Variants in NRXN1 observed in about 807,000 individuals in gnomAD.
NRXN1 encodes the protein neurexin 1, also known as neurexin-1.
NRXN1 carries 39 observed loss-of-function variants against 150.9 expected under a neutral mutation model. The ratio of observed to expected loss-of-function variants is 0.26; its 90% CI spans 0.20 to 0.34. NRXN1 has a LOEUF of 0.34. Among genes scored for constraint, NRXN1 ranks in the 10% least tolerant of loss-of-function variants. NRXN1 has a pLI of 1.00. For missense variants in NRXN1, 1,815 were observed against 1,949.9 expected (o/e 0.93, Z 1.30); for synonymous variants, 924 against 757.0 (o/e 1.22, Z -3.62).
rs183195298 is a variant in NRXN1, at chr2:50,099,324, T to G, written c.3547-7830A>C. Among the ~76,000 whole-genome samples the G allele has an allele frequency of 2.7e-3, 411 of 151,526 alleles. 2 individuals are homozygous for G. Among genetic ancestry groups the G allele is most frequent in the Non-Finnish European group, 2.9e-3 (198 of 67,916 alleles). ...CACCACACTTCCCAGAATACCTTTC[T>G]TTACTTTTGCAAATTTCCAATATTC... On this transcript the variant is annotated intron_variant, in intron 18 of 22. Transcript: ENST00000401669.
chr2:50,404,082 C>A (rs945942099), intron 17 of NRXN1, among the ~76,000 whole-genome samples: 1 of 152,018 alleles, frequency 6.6e-6, no homozygotes, highest in African/African-American at 2.4e-5. Context: ...TACTCCCTAC[C>A]CCCTACCACT....
chr2:50,898,660 C>A, intron 5 of NRXN1: 3 of 414,514 alleles, frequency 7.2e-6, no homozygotes, highest in Non-Finnish European at 4.7e-6. Flanking sequence ...TCCCACATTT[C>A]AAAAATTTAA....
At chr2:50,669,435 T>C (rs1303770107) in intron 5 of NRXN1, among the ~76,000 whole-genome samples, 2 of 152,020 alleles carry the variant, frequency 1.3e-5, no homozygotes, top group Non-Finnish European at 2.9e-5. Context: ...TATCTTTTTG[T>C]ATAACATTTT....
intron 2 of NRXN1, among the ~76,000 whole-genome samples, chr2:51,000,275 T>G (rs1185068542): frequency 6.6e-6 from 1 of 152,052 alleles, no homozygotes; most frequent in African/African-American, 2.4e-5. Flanking sequence ...ATCCATTCTC[T>G]ATGTCCTTAT....
chr2:50,425,103 A>C (rs116941796), intron 17 of NRXN1, among the ~76,000 whole-genome samples: 1 of 152,208 alleles, frequency 6.6e-6, no homozygotes, highest in African/African-American at 2.4e-5. Flanking sequence ...CCAGAAAAAT[A>C]AAAAATACCA....
chr2:50,735,256 A>G (rs751883721), intron 5 of NRXN1, among the ~76,000 whole-genome samples: 7 of 152,078 alleles, frequency 4.6e-5, no homozygotes, highest in Non-Finnish European at 7.4e-5. Flanking sequence ...CAATATTTAC[A>G]TATTTTATAT....
chr2:50,797,433 G>A (rs1706989359), intron 5 of NRXN1, among the ~76,000 whole-genome samples: 1 of 152,066 alleles, frequency 6.6e-6, no homozygotes, highest in Non-Finnish European at 1.5e-5. Context: ...CATCTAGTGA[G>A]TACAGGCCAA....
intron 5 of NRXN1, among the ~76,000 whole-genome samples, chr2:50,768,915 A>AC (rs1702670368): frequency 6.7e-6 from 1 of 149,126 alleles, no homozygotes; most frequent in African/African-American, 2.5e-5. Context: ...CAACAACAAC[A>AC]ACACACACAC....
chr2:50,656,856 T>C (rs1023973226), intron 5 of NRXN1, among the ~76,000 whole-genome samples: 1 of 152,028 alleles, frequency 6.6e-6, no homozygotes, highest in Non-Finnish European at 1.5e-5. Context: ...AATTCACTGG[T>C]TATAAAAGGA....
chr2:50,348,693 G>A (rs931386196), intron 17 of NRXN1, among the ~76,000 whole-genome samples: 2 of 152,190 alleles, frequency 1.3e-5, no homozygotes, highest in Admixed American at 6.5e-5. Flanking sequence ...ATAAATTTAA[G>A]AGTAGAAATC....
chr2:50,398,356 T>C (rs964115419), intron 17 of NRXN1, among the ~76,000 whole-genome samples: 3 of 152,120 alleles, frequency 2.0e-5, no homozygotes, highest in Non-Finnish European at 4.4e-5. Flanking sequence ...GTACACCTGG[T>C]AAAGTCGAGT....
chr2:50,486,984 C>T (rs764711179), intron 15 of NRXN1, among the ~76,000 whole-genome samples: 4 of 152,120 alleles, frequency 2.6e-5, no homozygotes, highest in Admixed American at 6.5e-5. Context: ...ATACGACGAA[C>T]CCTTAGAAAT....
intron 17 of NRXN1, among the ~76,000 whole-genome samples, chr2:50,394,433 C>T (rs938035905): frequency 6.6e-6 from 1 of 152,130 alleles, no homozygotes; most frequent in African/African-American, 2.4e-5. Flanking sequence ...ACTATTCTCA[C>T]AATTAAGTGG....
rs1688781291 is a variant in NRXN1 at position 50,671,138 on chromosome 2, A to C, written c.833-47523T>G. Among the ~76,000 whole-genome samples, 3 of 151,860 alleles carry C rather than the reference A, an allele frequency of 2.0e-5. No homozygotes were observed. In the South Asian group the frequency reaches 6.2e-4, roughly 31 times the overall value. ...ATAAATCTTTAAAAACATGACTTCT[A>C]CAAAGCTTGTATCTATTTATTTTCT... On this transcript the variant is annotated intron_variant, in intron 5 of 22. Coordinates refer to ENST00000401669, the MANE Select transcript of NRXN1 (RefSeq NM_001330078.2).
intron 19 of NRXN1, among the ~76,000 whole-genome samples, chr2:50,067,417 C>A (rs1411272885): frequency 2.0e-5 from 3 of 152,106 alleles, no homozygotes; most frequent in Admixed American, 6.5e-5. Context: ...AATTTTGGAT[C>A]TCATTGCCTG....
At chr2:50,889,569 T>C (rs1017783100) in intron 5 of NRXN1, among the ~76,000 whole-genome samples, 8 of 151,786 alleles carry the variant, frequency 5.3e-5, no homozygotes, top group Non-Finnish European at 7.4e-5. Flanking sequence ...TGGTATAACG[T>C]GTACATTATT....
intron 21 of NRXN1, chr2:50,022,963 T>C (rs1435146958): frequency 1.3e-5 from 2 of 152,176 alleles, no homozygotes; most frequent in Non-Finnish European, 2.9e-5. Flanking sequence ...ATATTCCCAA[T>C]TGTTGCTGAA....
intron 16 of NRXN1, among the ~76,000 whole-genome samples, chr2:50,470,322 T>A (rs925332697): frequency 6.6e-6 from 1 of 151,574 alleles, no homozygotes; most frequent in Non-Finnish European, 1.5e-5. Flanking sequence ...TAAAATTAAC[T>A]GAAAGGGAAA....
At chr2:50,466,715 A>T (rs2088909281) in intron 16 of NRXN1, among the ~76,000 whole-genome samples, 1 of 151,806 alleles carries the variant, frequency 6.6e-6, no homozygotes, top group Non-Finnish European at 1.5e-5. Flanking sequence ...ATATGTATAT[A>T]TATAATGGTT....
Sources: gnomAD v4.1 joint callset for allele counts (sites outside exome capture counted in the v4.1 genomes callset) on GRCh38, gnomAD v4.1.1 for gene constraint, MANE v1.5 for transcripts, NCBI Gene and HGNC (gene_info 2026-07-23, HGNC 2026-07-21) for gene names.